Variants in FLCN observed in about 807,000 individuals in gnomAD.
FLCN encodes the protein folliculin, also known as BHD skin lesion fibrofolliculoma protein.
In FLCN, 22 loss-of-function variants were observed where a neutral mutation model predicts 62.5. That is an observed-to-expected ratio of 0.35 (90% CI 0.25 to 0.50). FLCN has a LOEUF of 0.50. Ranked by LOEUF, FLCN falls within the 20% of genes least tolerant of loss-of-function variation. FLCN has a pLI of 0.97. For missense variants in FLCN, 657 were observed against 778.0 expected (o/e 0.84, Z 1.85); for synonymous variants, 319 against 310.0 (o/e 1.03, Z -0.30).
chr17:17,216,857 C>T lies in FLCN; in HGVS notation c.1176+212G>A. On this transcript the variant is annotated intron_variant, in intron 10 of 13. Coordinates refer to ENST00000285071, the MANE Select transcript of FLCN (RefSeq NM_144997.7). The surrounding 1 kb of genome is among the most constrained non-coding windows in gnomAD (Gnocchi z 4.0). ...TATGCATTTTTGTTCCCTCTCAGGC[C>T]TGGGCAGTCAGCAGGCACACGCATC... is the stretch of plus-strand genomic sequence containing the variant. 1.6e-6 allele frequency: 1 copy of T among 636,494 alleles called. No homozygotes were observed. The highest frequency in any genetic ancestry group is 2.4e-5 in the Admixed American group (1 of 42,324). 39.4% of individuals were successfully genotyped at this position (636,494 alleles called of 1,614,324 possible).
chr17:17,215,071 A>C lies in FLCN; in HGVS notation c.1452T>G (p.Asn484Lys). Reference protein sequence around the residue: ...AADRVGPTILNKIEAALTNQN... With the variant: ...AADRVGPTILKKIEAALTNQN... The stretch of plus-strand genomic sequence containing the variant: ...GGTTGGTCAGAGCCGCTTCAATCTT[A>C]TTCAGGATGGTGGGGCCCACTGGGG... The change falls in exon 13 of 14, where the codon AAT (asparagine) becomes AAG (lysine). Residue 484 changes from asparagine (N) to lysine (K), a missense_variant. Physicochemically the swap from Asn to Lys is moderately conservative, Grantham distance 94 (BLOSUM62 0). Transcript: ENST00000285071. 1 of 1,614,088 alleles carries C rather than the reference A, an allele frequency of 6.2e-7. No individual in the cohort carries two copies. Among genetic ancestry groups the C allele is most frequent in the Non-Finnish European group, 8.5e-7 (1 of 1,179,996 alleles).
rs913905178 is a variant in FLCN at position 17,221,211 on chromosome 17, G to A, written c.871+326C>T. The stretch of plus-strand genomic sequence containing the variant: ...TATTTGTAAAGGAGCAAAGACCGTC[G>A]ACCAGGCCAAGCACTTGGCTATCAC... On this transcript the variant is annotated intron_variant, in intron 8 of 13. Coordinates refer to ENST00000285071, the MANE Select transcript of FLCN (RefSeq NM_144997.7). 3.6e-5 allele frequency: 54 copies of A among 1,520,830 alleles called. No homozygotes were observed. The African/African-American group carries it at 5.2e-4, about 15-fold the overall frequency. 94.2% of individuals were successfully genotyped at this position (1,520,830 alleles called of 1,614,324 possible).
In FLCN at chr17:17,222,118, C is replaced by T. The variant is rs1213562718; in HGVS notation, c.779+383G>A. ...CTGGGAGGCTGAGGCAGGTGGATCA[C>T]ATGAGGTCAGGAGTTTGAGAACAGC... On this transcript the variant is annotated intron_variant, in intron 7 of 13. Transcript: ENST00000285071. Among the ~76,000 whole-genome samples, 11 of 151,468 alleles carry T rather than the reference C, an allele frequency of 7.3e-5. No individual in the cohort carries two copies. In the East Asian group the frequency reaches 2.1e-3, roughly 29 times the overall value.
At chr17:17,228,204 ACTCCATGAAAC>A in intron 3 of FLCN, 43 bp from the exon 4 acceptor site, 1 of 1,579,162 alleles carries the variant, frequency 6.3e-7, no homozygotes, top group Non-Finnish European at 8.6e-7. Context: ...ATGCCTATTG[ACTCCATGAAAC>A]CTCCCCAGCC....
Position 17,219,182 on chromosome 17 carries a change from T to C in FLCN, c.899A>G (p.Asp300Gly). 1 of 1,614,154 alleles carries C rather than the reference T, an allele frequency of 6.2e-7. No homozygotes were observed. The highest frequency in any genetic ancestry group is 8.5e-7 in the Non-Finnish European group (1 of 1,180,038). Residue 300 changes from aspartate to glycine, a missense_variant, in exon 9 of 14, where the codon GAC becomes GGC. Coordinates refer to ENST00000285071, the MANE Select transcript of FLCN (RefSeq NM_144997.7). Reference sequence around the variant, plus strand: ...CTCCTCCTCTTCAGCCTCAGAGTTGTCCCAGCTTTCTGATTCCTCTTCTAA... The same window carrying C: ...CTCCTCCTCTTCAGCCTCAGAGTTGCCCCAGCTTTCTGATTCCTCTTCTAA... ...ADLEEESESW[D>G]NSEAEEEEKA...
chr17:17,226,165 AC>A lies in FLCN; in HGVS notation c.396+10del. The A allele has an allele frequency of 6.2e-7, 1 of 1,613,792 alleles. No individual in the cohort carries two copies. The highest frequency in any genetic ancestry group is 8.5e-7 in the Non-Finnish European group (1 of 1,179,934). On this transcript the variant is annotated intron_variant, in intron 5 of 13. Coordinates refer to ENST00000285071, the MANE Select transcript of FLCN (RefSeq NM_144997.7). Reference sequence around the variant, plus strand: ...TCCCACAGAGACAGGCTCTGTGGCCACAAGGCTCACCTCACAGCTCAGGCTC... The same window carrying A: ...TCCCACAGAGACAGGCTCTGTGGCCAAAGGCTCACCTCACAGCTCAGGCTC...
chr17:17,231,464 A>C (rs1275730119), intron 3 of FLCN: 1 of 152,092 alleles, frequency 6.6e-6, no homozygotes, highest in Non-Finnish European at 1.5e-5. Flanking sequence ...GAGTTTCAAT[A>C]AAGGGCCCAA....
At chr17:17,215,636 A>C (rs551830493) in intron 11 of FLCN, among the ~76,000 whole-genome samples, 1 of 152,348 alleles carries the variant, frequency 6.6e-6, no homozygotes, top group East Asian at 1.9e-4. Flanking sequence ...CAGATGGGGA[A>C]ACAGGCCTGG....
In FLCN at chr17:17,224,089, C is replaced by T. The variant is rs147164515; in HGVS notation, c.451G>A (p.Val151Met). The part of the protein sequence containing the change: ...IFFGDEQHGF[V>M]FSHTFFIKDS... The stretch of plus-strand genomic sequence containing the variant: ...TTGATGAAGAAGGTGTGGCTGAACA[C>T]AAAGCCGTGCTGCTCATCTCCGAAG... Residue 151 changes from valine to methionine, a missense_variant, in exon 6 of 14, where the codon GTG becomes ATG. Coordinates refer to ENST00000285071, the MANE Select transcript of FLCN (RefSeq NM_144997.7). 13 of 1,612,222 alleles carry T rather than the reference C, an allele frequency of 8.1e-6. No homozygotes were observed. The highest frequency in any genetic ancestry group is 3.3e-4 in the Middle Eastern group (2 of 6,080).
rs2046785112 is a variant in FLCN at position 17,212,216 on chromosome 17, C to T, written c.*1439G>A. 6.0e-6 allele frequency: 1 copy of T among 165,934 alleles called. No individual in the cohort carries two copies. Among genetic ancestry groups the T allele is most frequent in the African/African-American group, 2.4e-5 (1 of 41,834 alleles). The allele number at this position is 165,934 out of a possible 1,614,324, so 10.3% of individuals were successfully genotyped here. ...AATAAAACCATGTAGTAACAATTTA[C>T]AAAAATACATCTTTATTGTGTTCCA... is the stretch of plus-strand genomic sequence containing the variant. On this transcript the variant is annotated 3_prime_UTR_variant, in exon 14 of 14. Coordinates refer to ENST00000285071, the MANE Select transcript of FLCN (RefSeq NM_144997.7).
intron 1 of FLCN, 101 bp from the exon 2 acceptor site, chr17:17,233,002 C>T (rs117005329): frequency 6.6e-6 from 1 of 152,312 alleles, no homozygotes; most frequent in East Asian, 1.9e-4. Context: ...CAAATAAGAA[C>T]GTGTCTGATG....
intron 3 of FLCN, 64 bp from the exon 4 acceptor site, chr17:17,228,225 C>T: frequency 6.5e-7 from 1 of 1,534,630 alleles, no homozygotes; most frequent in Non-Finnish European, 8.7e-7. Flanking sequence ...CCTCCCCAGC[C>T]CCTCTGGAGC....
chr17:17,231,499 G>C (rs1567829766), intron 3 of FLCN: 1 of 152,212 alleles, frequency 6.6e-6, no homozygotes, highest in Non-Finnish European at 1.5e-5. Flanking sequence ...GGACGATGAA[G>C]AATCATGTAA....
Position 17,228,112 on chromosome 17 carries a change from T to C in FLCN, c.26A>G (p.His9Arg), listed in dbSNP as rs1060502373. The change falls in exon 4 of 14, where the codon CAC becomes CGC. Residue 9 changes from histidine (H) to arginine (R), a missense_variant. By Grantham distance (29) the His-to-Arg change is conservative (BLOSUM62 0). Transcript: ENST00000285071. Reference sequence around the variant, plus strand: ...GCGGGGGCCGTGGAGCTCGCAGAAGTGGCAGAGAGCCACGATGGCATTCAT... The same window carrying C: ...GCGGGGGCCGTGGAGCTCGCAGAAGCGGCAGAGAGCCACGATGGCATTCAT... MNAIVALC[H>R]FCELHGPRTL... The C allele has an allele frequency of 6.2e-7, 1 of 1,613,188 alleles. No homozygotes were observed. Among genetic ancestry groups the C allele is most frequent in the Non-Finnish European group, 8.5e-7 (1 of 1,180,006 alleles).
At chr17:17,215,112 G>A in intron 12 of FLCN, 22 bp from the exon 13 acceptor site, 1 of 1,613,938 alleles carries the variant, frequency 6.2e-7, no homozygotes, top group Non-Finnish European at 8.5e-7. Flanking sequence ...GGCAGGGGCA[G>A]AGCAAGGGCA....
intron 3 of FLCN, among the ~76,000 whole-genome samples, chr17:17,231,279 T>C (rs769872459): frequency 5.9e-5 from 9 of 151,990 alleles, no homozygotes; most frequent in Admixed American, 2.6e-4. Flanking sequence ...ATGTCCTGAG[T>C]GTTTGCTAGG....
chr17:17,216,236 G>T lies in FLCN; in HGVS notation c.1300+144C>A. ...CGCTACCTGTGTGAAGATAGAACAC[G>T]GAGGCCCAGAGCCATGGGGGAAGCT... On this transcript the variant is annotated intron_variant, in intron 11 of 13. Transcript: ENST00000285071. This position sits in a 1 kb window ranked among gnomAD's most constrained non-coding sequence, Gnocchi z 4.0. 1 of 1,233,670 alleles carries T rather than the reference G, an allele frequency of 8.1e-7. No individual in the cohort carries two copies. 76.4% of individuals were successfully genotyped at this position (1,233,670 alleles called of 1,614,324 possible).
At position 17,226,278 on chromosome 17, in the gene FLCN, A is replaced by G. The variant is rs1567822884; in HGVS notation, c.294T>C (p.His98=). 6.2e-7 allele frequency: 1 copy of G among 1,614,178 alleles called. No homozygotes were observed. Among genetic ancestry groups the G allele is most frequent in the Non-Finnish European group, 8.5e-7 (1 of 1,180,032 alleles). ...LAAGHPGYIS[H]DKETSIKYVS... is the part of the protein sequence containing the mutation. ...CGTATTTAATGGAGGTCTCTTTATC[A>G]TGGCTGATATATCCCGGGTGCCCTG... Residue 98 remains histidine (H), a synonymous_variant, in exon 5 of 14, where the codon CAT becomes CAC. Coordinates refer to ENST00000285071, the MANE Select transcript of FLCN (RefSeq NM_144997.7).
Position 17,215,263 on chromosome 17 carries a change from C to CAGGGTGG in FLCN, c.1347_1353dup (p.Val452ProfsTer6), listed in dbSNP as rs2046880504. 1 of 1,614,200 alleles carries CAGGGTGG rather than the reference C, an allele frequency of 6.2e-7. No homozygotes were observed. The highest frequency in any genetic ancestry group is 2.2e-5 in the East Asian group (1 of 44,872). On this transcript the variant is annotated frameshift_variant, in exon 12 of 14. Coordinates refer to ENST00000285071, the MANE Select transcript of FLCN (RefSeq NM_144997.7). LOFTEE classifies it high-confidence loss of function. ...AGAGACTGGTCATCCTCACACCCCA[C>CAGGGTGG]AGGGTGGAGGGTGGAACGTGCGGCT...
Sources: allele counts gnomAD v4.1 joint callset (sites outside exome capture counted in the v4.1 genomes callset), GRCh38; gene constraint gnomAD v4.1.1; non-coding constraint Gnocchi (gnomAD v3.1); transcripts MANE v1.5; gene names NCBI Gene and HGNC (gene_info 2026-07-23, HGNC 2026-07-21).